Variants in ANAPC1 observed in about 807,000 individuals in gnomAD.
The protein encoded by ANAPC1 is anaphase-promoting complex subunit 1.
ANAPC1 carries 36 observed loss-of-function variants against 208.0 expected under a neutral mutation model. That is an observed-to-expected ratio of 0.17 (90% CI 0.13 to 0.23). The LOEUF (loss-of-function observed/expected upper bound fraction) is 0.23, where lower values mean the gene tolerates loss of function less well. ANAPC1 is among the 10% of genes least tolerant of loss of function. The pLI is 1.00. For synonymous variants in ANAPC1, 378 were observed against 695.2 expected (o/e 0.54, Z 7.18); for missense variants, 942 against 2,011.6 (o/e 0.47, Z 10.17).
rs555891704 is a variant in ANAPC1 at position 111,846,632 on chromosome 2, C to T, written c.1852+506G>A. ...TCACCTAGGCTGGAGTGCAGTGGCA[C>T]GATCTCCACTCACTGCAACCTCCGC... On this transcript the variant is annotated intron_variant, in intron 16 of 47. Coordinates refer to ENST00000341068, the MANE Select transcript of ANAPC1 (RefSeq NM_022662.4). Among the ~76,000 whole-genome samples, 13 of 131,110 alleles carry T rather than the reference C, an allele frequency of 9.9e-5. No homozygotes were observed. The East Asian group carries it at 3.1e-3, about 32-fold the overall frequency. The allele number at this position is 131,110 out of a possible 152,430, so 86.0% of individuals were successfully genotyped here. A position where few individuals can be genotyped will look rare whatever the true frequency, so the allele number is the denominator to read the frequency against.
At position 111,794,091 on chromosome 2, in the gene ANAPC1, G is replaced by C; in HGVS notation, c.4505C>G (p.Pro1502Arg). Residue 1502 changes from proline (P) to arginine (R), a missense_variant, in exon 37 of 48, where the codon CCT becomes CGT. Coordinates refer to ENST00000341068, the MANE Select transcript of ANAPC1 (RefSeq NM_022662.4). Reference sequence around the variant, plus strand: ...AAAAAGACTTACAACAGAAGCATTAGGTGCGGACAAATAAGTCATAAAATC... The same window carrying C: ...AAAAAGACTTACAACAGAAGCATTACGTGCGGACAAATAAGTCATAAAATC... ...AKDFMTYLSA[P>R]NASVTGPHNL... is the part of the protein sequence containing the mutation. 2.1e-6 allele frequency: 3 copies of C among 1,406,370 alleles called. No individual in the cohort carries two copies. The highest frequency in any genetic ancestry group is 2.9e-6 in the Non-Finnish European group (3 of 1,034,688). The allele number at this position is 1,406,370 out of a possible 1,614,324, so 87.1% of individuals were successfully genotyped here.
chr2:111,850,987 T>C (rs1204143086), intron 13 of ANAPC1, 77 bp from the exon 14 acceptor site: 2 of 1,456,560 alleles, frequency 1.4e-6, no homozygotes, highest in South Asian at 2.8e-5. Flanking sequence ...TGTTAAGGAA[T>C]ATAAACATAT....
intron 25 of ANAPC1, among the ~76,000 whole-genome samples, chr2:111,821,915 GA>G (rs200349649): frequency 1.3e-5 from 2 of 151,220 alleles, no homozygotes; most frequent in Non-Finnish European, 2.9e-5. Flanking sequence ...CAACTCTACT[GA>G]AAAAAACACA....
chr2:111,879,873 AG>A (rs1472039093), intron 2 of ANAPC1, among the ~76,000 whole-genome samples: 5 of 151,872 alleles, frequency 3.3e-5, no homozygotes, highest in Non-Finnish European at 7.4e-5. Flanking sequence ...ACTCCGTCTC[AG>A]GAAAAAAAAA....
intron 32 of ANAPC1, chr2:111,802,910 A>T: frequency 4.2e-6 from 1 of 239,136 alleles, no homozygotes; most frequent in Non-Finnish European, 7.8e-6. Flanking sequence ...GACTAAAGAC[A>T]TGGCATAACG....
chr2:111,859,734 G>T (rs1278873121), intron 10 of ANAPC1, among the ~76,000 whole-genome samples: 1 of 152,044 alleles, frequency 6.6e-6, no homozygotes, highest in Admixed American at 6.6e-5. Context: ...ATAAAACGAG[G>T]CTCTAAGGCT....
At chr2:111,867,970 A>G (rs1445869596) in intron 7 of ANAPC1, 53 bp downstream of exon 7, 30 of 1,293,784 alleles carry the variant, frequency 2.3e-5, no homozygotes, top group Non-Finnish European at 3.1e-5. Context: ...AACCTCCCTC[A>G]CCAAAGTCAA....
At chr2:111,865,038 G>C in intron 7 of ANAPC1, 87 bp from the exon 8 acceptor site, 1 of 1,438,742 alleles carries the variant, frequency 7.0e-7, no homozygotes, top group Non-Finnish European at 9.1e-7. Flanking sequence ...AATTGTTAAA[G>C]ATAAAGAACA....
chr2:111,869,015 G>C (rs1213130889), intron 6 of ANAPC1, among the ~76,000 whole-genome samples: 1 of 152,172 alleles, frequency 6.6e-6, no homozygotes, highest in Admixed American at 6.5e-5. Context: ...ATAATTCATA[G>C]GGGGCAAGAT....
chr2:111,852,544 G>A (rs1316889962), intron 13 of ANAPC1, among the ~76,000 whole-genome samples: 3 of 151,888 alleles, frequency 2.0e-5, no homozygotes, highest in Non-Finnish European at 2.9e-5. Context: ...AATGTCCCTC[G>A]TCTATTTGAG....
intron 34 of ANAPC1, among the ~76,000 whole-genome samples, chr2:111,800,387 G>A (rs1194585471): frequency 3.0e-5 from 4 of 134,110 alleles, no homozygotes; most frequent in East Asian, 2.1e-4. Flanking sequence ...TTGGCTTATC[G>A]AATAAATATG....
intron 34 of ANAPC1, chr2:111,795,184 C>T (rs1292966100): frequency 7.3e-6 from 2 of 272,668 alleles, no homozygotes; most frequent in African/African-American, 4.4e-5. Context: ...GAGTTCGAGA[C>T]CAGCCTGACC....
chr2:111,798,430 G>C (rs548594079), intron 34 of ANAPC1, among the ~76,000 whole-genome samples: 1 of 152,076 alleles, frequency 6.6e-6, no homozygotes, highest in Admixed American at 6.5e-5. Flanking sequence ...TAAAAACTTG[G>C]GTGCTGAGTC....
intron 34 of ANAPC1, among the ~76,000 whole-genome samples, chr2:111,798,344 C>T (rs1678263676): frequency 6.6e-6 from 1 of 152,222 alleles, no homozygotes; most frequent in Non-Finnish European, 1.5e-5. Flanking sequence ...TTTAGGCTAA[C>T]ACACATTCTC....
chr2:111,829,195 C>A (rs977616803), intron 21 of ANAPC1, among the ~76,000 whole-genome samples: 32 of 152,268 alleles, frequency 2.1e-4, no homozygotes, highest in African/African-American at 7.2e-4. Context: ...GCCTGGGCAA[C>A]AGAGTGACTC....
At chr2:111,798,809 C>T (rs1678289282) in intron 34 of ANAPC1, among the ~76,000 whole-genome samples, 2 of 152,264 alleles carry the variant, frequency 1.3e-5, no homozygotes, top group Admixed American at 1.3e-4. Context: ...CCGAGGCGGG[C>T]AGATCACGAG....
At chr2:111,839,126 T>C (rs1309484786) in intron 17 of ANAPC1, among the ~76,000 whole-genome samples, 1 of 152,146 alleles carries the variant, frequency 6.6e-6, no homozygotes, top group African/African-American at 2.4e-5. Flanking sequence ...CTACCCCTGC[T>C]CCTCCAGGCT....
chr2:111,768,404 C>G lies in ANAPC1; in HGVS notation c.*887G>C, dbSNP rs1243560040. 1 of 151,884 alleles carries G rather than the reference C, an allele frequency of 6.6e-6. No homozygotes were observed. Among genetic ancestry groups the G allele is most frequent in the African/African-American group, 2.4e-5 (1 of 41,092 alleles). The allele number at this position is 151,884 out of a possible 1,614,324, so 9.4% of individuals were successfully genotyped here. ...TATTAGTCTGCCTGGGCTGCCATAACAAAATACCACAGACTGGGTGGTTTC... is the reference window on the plus strand; with the variant it reads ...TATTAGTCTGCCTGGGCTGCCATAAGAAAATACCACAGACTGGGTGGTTTC... On this transcript the variant is annotated 3_prime_UTR_variant, in exon 48 of 48. Transcript: ENST00000341068.
At chr2:111,857,601 G>A (rs1202905337) in intron 11 of ANAPC1, among the ~76,000 whole-genome samples, 2 of 152,216 alleles carry the variant, frequency 1.3e-5, no homozygotes, top group East Asian at 3.8e-4. Flanking sequence ...AATATAAAAT[G>A]ATACAGGCTA....
Sources: gnomAD v4.1 joint callset for allele counts (sites outside exome capture counted in the v4.1 genomes callset) on GRCh38, gnomAD v4.1.1 for gene constraint, MANE v1.5 for transcripts, NCBI Gene and HGNC (gene_info 2026-07-23, HGNC 2026-07-21) for gene names.